Variants in MMP13 observed in about 807,000 individuals in gnomAD.
MMP13 encodes the protein collagenase 3.
A neutral mutation model predicts 52.1 loss-of-function variants in MMP13; 45 were observed. That is an observed-to-expected ratio of 0.86 (90% CI 0.68 to 1.11). The LOEUF is 1.11. Ranked by LOEUF, MMP13 falls within the 50% of genes least tolerant of loss-of-function variation. The pLI, the probability that MMP13 is intolerant of heterozygous loss-of-function variation, is 0.00. For missense variants in MMP13, 576 were observed against 583.8 expected (o/e 0.99, Z 0.14); for synonymous variants, 200 against 204.4 (o/e 0.98, Z 0.18).
chr11:102,949,563 G>A lies in MMP13; in HGVS notation c.918-405C>T, dbSNP rs1397483901. On this transcript the variant is annotated intron_variant, in intron 6 of 9. Coordinates refer to ENST00000260302, the MANE Select transcript of MMP13 (RefSeq NM_002427.4). This position sits in a 1 kb window ranked among gnomAD's most constrained non-coding sequence, Gnocchi z 4.2. ...ACATGAGAAACACCCCCCGCCCCAC[G>A]AGTACAATGTAATTAGAGTTATAAC... 1.3e-5 allele frequency among the ~76,000 whole-genome samples: 2 copies of A among 152,104 alleles called. No individual in the cohort carries two copies. The highest frequency in any genetic ancestry group is 2.4e-5 in the African/African-American group (1 of 41,400).
chr11:102,954,046 A>C (rs1211623740), intron 4 of MMP13, 110 bp downstream of exon 4: 3 of 1,249,414 alleles, frequency 2.4e-6, no homozygotes, highest in Non-Finnish European at 3.4e-6. Context: ...ATTTAAGAAA[A>C]TATAGTCAAA....
At chr11:102,950,986 A>G (rs1565254828) in intron 5 of MMP13, among the ~76,000 whole-genome samples, 1 of 152,170 alleles carries the variant, frequency 6.6e-6, no homozygotes, top group Non-Finnish European at 1.5e-5. Context: ...CTAGAGGGTA[A>G]AAGAATGGGT....
Position 102,952,161 on chromosome 11 carries a change from A to G in MMP13, c.650T>C (p.Phe217Ser). The change falls in exon 5 of 10, where the codon TTT (phenylalanine) becomes TCT (serine). Residue 217 changes from phenylalanine to serine, a missense_variant. Coordinates refer to ENST00000260302, the MANE Select transcript of MMP13 (RefSeq NM_002427.4). This position sits in a 1 kb window ranked among gnomAD's most constrained non-coding sequence, Gnocchi z 4.3. ...WTSSSKGYNL[F>S]LVAAHEFGHS... ...GCCGAACTCATGCGCAGCAACAAGA[A>G]ACAAGTTGTAGCCTGTAAGAAAACA... is the stretch of plus-strand genomic sequence containing the variant. 3 of 1,613,044 alleles carry G rather than the reference A, an allele frequency of 1.9e-6. No homozygotes were observed. Among genetic ancestry groups the G allele is most frequent in the Non-Finnish European group, 8.5e-7 (1 of 1,179,198 alleles).
At chr11:102,954,902 A>G (rs2134522715) in intron 2 of MMP13, among the ~76,000 whole-genome samples, 1 of 152,322 alleles carries the variant, frequency 6.6e-6, no homozygotes, top group South Asian at 2.1e-4. Context: ...TACATTGATA[A>G]AGCTCAAATA....
At chr11:102,953,225 G>A (rs890048147) in intron 4 of MMP13, among the ~76,000 whole-genome samples, 1 of 152,014 alleles carries the variant, frequency 6.6e-6, no homozygotes, top group Admixed American at 6.6e-5. Flanking sequence ...TAAATTTGAG[G>A]CTTACTGTGA....
Position 102,955,444 on chromosome 11 carries a change from T to C in MMP13, c.170A>G (p.Lys57Arg). The change falls in exon 2 of 10, where the codon AAG becomes AGG. Residue 57 changes from lysine to arginine, a missense_variant. By Grantham distance (26) the Lys-to-Arg change is conservative. Transcript: ENST00000260302. The surrounding 1 kb of genome is among the most constrained non-coding windows in gnomAD (Gnocchi z 4.9). ...YHPTNLAGIL[K>R]ENAASSMTER... ...AGTCATGGAGCTTGCTGCATTCTCC[T>C]TCAGGATTCCCGCGAGATTTGTAGG... is the stretch of plus-strand genomic sequence containing the variant. 1.2e-6 allele frequency: 2 copies of C among 1,614,058 alleles called. No homozygotes were observed. The highest frequency in any genetic ancestry group is 1.7e-6 in the Non-Finnish European group (2 of 1,179,944).
chr11:102,948,762 C>A (rs923632452), intron 7 of MMP13, among the ~76,000 whole-genome samples: 8 of 151,938 alleles, frequency 5.3e-5, no homozygotes, highest in Non-Finnish European at 1.0e-4. Context: ...AATTTTTAAG[C>A]AGAACTAAGA....
chr11:102,944,381 A>G lies in MMP13; in HGVS notation c.1316-15T>C, dbSNP rs1860462715. 6.5e-7 allele frequency: 1 copy of G among 1,536,878 alleles called. No individual in the cohort carries two copies. Among genetic ancestry groups the G allele is most frequent in the Non-Finnish European group, 9.0e-7 (1 of 1,110,308 alleles). Reference sequence around the variant, plus strand: ...ATAGATATAACCTATAAGAAAAAGCATAAAGACAATTTCAGAGTTTGAAAA... The same window carrying G: ...ATAGATATAACCTATAAGAAAAAGCGTAAAGACAATTTCAGAGTTTGAAAA... On this transcript the variant is annotated splice_polypyrimidine_tract_variant and intron_variant, in intron 9 of 9. Transcript: ENST00000260302.
intron 7 of MMP13, 34 bp from the exon 8 acceptor site, chr11:102,948,084 A>C: frequency 1.3e-6 from 2 of 1,597,952 alleles, no homozygotes; most frequent in South Asian, 1.1e-5. Flanking sequence ...CTATTATCCA[A>C]GGGAATCTAT....
rs1555016360 is a variant in MMP13, at chr11:102,944,147, T to G, written c.*119A>C. The G allele has an allele frequency of 2.6e-6, 2 of 763,536 alleles. No homozygotes were observed. The highest frequency in any genetic ancestry group is 1.7e-5 in the Admixed American group (1 of 57,512). 47.3% of individuals were successfully genotyped at this position (763,536 alleles called of 1,614,324 possible). A position where few individuals can be genotyped will look rare whatever the true frequency, so the allele number is the denominator to read the frequency against. ...TACTACATATTCAAAGATAACTTAC[T>G]GAAGCTTGTTCACAGAACCAAGCTT... On this transcript the variant is annotated 3_prime_UTR_variant, in exon 10 of 10. Coordinates refer to ENST00000260302, the MANE Select transcript of MMP13 (RefSeq NM_002427.4).
In MMP13 at chr11:102,952,938, A is replaced by G. The variant is rs1050507803; in HGVS notation, c.638-765T>C. On this transcript the variant is annotated intron_variant, in intron 4 of 9. Coordinates refer to ENST00000260302, the MANE Select transcript of MMP13 (RefSeq NM_002427.4). This position sits in a 1 kb window ranked among gnomAD's most constrained non-coding sequence, Gnocchi z 4.3. ...AATAGGATTGTTGTTACCTGTGCTT[A>G]GATTACCTGAAAACTAGAGCCAGTG... Among the ~76,000 whole-genome samples the G allele has an allele frequency of 1.2e-4, 19 of 152,210 alleles. No individual in the cohort carries two copies. The highest frequency in any genetic ancestry group is 4.1e-4 in the African/African-American group (17 of 41,468).
rs185891208 is a variant in MMP13 at position 102,945,050 on chromosome 11, C to G, written c.1315+596G>C. ...CTTGAGGCCAGGAGTTCAAGACCAG[C>G]CTAGCCAACATGGCGAAACTCCATC... On this transcript the variant is annotated intron_variant, in intron 9 of 9. Coordinates refer to ENST00000260302, the MANE Select transcript of MMP13 (RefSeq NM_002427.4). The G allele has an allele frequency of 2.5e-4, 65 of 264,568 alleles. No homozygotes were observed. In the East Asian group the frequency reaches 6.1e-3, roughly 25 times the overall value. 16.4% of individuals were successfully genotyped at this position (264,568 alleles called of 1,614,324 possible). A position where few individuals can be genotyped will look rare whatever the true frequency, so the allele number is the denominator to read the frequency against.
At chr11:102,954,309 C>T in intron 3 of MMP13, 28 bp from the exon 4 acceptor site, 1 of 1,613,516 alleles carries the variant, frequency 6.2e-7, no homozygotes, top group Non-Finnish European at 8.5e-7. Flanking sequence ...GGTTAGGAGT[C>T]TTATCACATC....
At chr11:102,948,816 C>T (rs942507715) in intron 7 of MMP13, among the ~76,000 whole-genome samples, 2 of 152,110 alleles carry the variant, frequency 1.3e-5, no homozygotes, top group Non-Finnish European at 2.9e-5. Context: ...GTGGATATGA[C>T]AAGACTAATA....
rs928951639 is a variant in MMP13, at chr11:102,954,278, T to C, written c.515A>G (p.His172Arg). 3 of 1,613,500 alleles carry C rather than the reference T, an allele frequency of 1.9e-6. No homozygotes were observed. The highest frequency in any genetic ancestry group is 2.5e-6 in the Non-Finnish European group (3 of 1,179,690). The change falls in exon 4 of 10, where the codon CAT becomes CGT. Residue 172 changes from histidine to arginine, a missense_variant. Coordinates refer to ENST00000260302, the MANE Select transcript of MMP13 (RefSeq NM_002427.4). ...CCCATCAAATGGGTAGAAGTCGCCA[T>C]GCTCTACACACAAAAGCAAGGGTTA... ...DIMISFGIKEHGDFYPFDGPS... is the reference protein window; with the variant it reads ...DIMISFGIKERGDFYPFDGPS...
chr11:102,944,265 C>CT lies in MMP13; in HGVS notation c.1416dup. 1 of 1,610,772 alleles carries CT rather than the reference C, an allele frequency of 6.2e-7. No homozygotes were observed. The highest frequency in any genetic ancestry group is 8.5e-7 in the Non-Finnish European group (1 of 1,177,316). ...TTAAATAACAATTTTTAAAAAGACA[C>CT]TTAACACCACAAAATGGAATTTGCT... is the stretch of plus-strand genomic sequence containing the variant. On this transcript the variant is annotated 3_prime_UTR_variant, in exon 10 of 10. Transcript: ENST00000260302.
At chr11:102,954,048 A>G in intron 4 of MMP13, 108 bp downstream of exon 4, 1 of 1,262,866 alleles carries the variant, frequency 7.9e-7, no homozygotes, top group Non-Finnish European at 1.1e-6. Context: ...TTAAGAAAAT[A>G]TAGTCAAATA....
At position 102,943,218 on chromosome 11, in the gene MMP13, A is replaced by T. The variant is rs137968508; in HGVS notation, c.*1048T>A. 7.9e-5 allele frequency: 12 copies of T among 152,252 alleles called. No homozygotes were observed. The highest frequency in any genetic ancestry group is 2.9e-4 in the African/African-American group (12 of 41,538). 9.4% of individuals were successfully genotyped at this position (152,252 alleles called of 1,614,324 possible). A position where few individuals can be genotyped will look rare whatever the true frequency, so the allele number is the denominator to read the frequency against. ...GGGGGATTTTTTTAAATGCAGAGAA[A>T]AAAAGGCATCCTTCCATATCTCAAG... is the stretch of plus-strand genomic sequence containing the variant. On this transcript the variant is annotated 3_prime_UTR_variant, in exon 10 of 10. Coordinates refer to ENST00000260302, the MANE Select transcript of MMP13 (RefSeq NM_002427.4).
Position 102,955,346 on chromosome 11 carries a change from C to G in MMP13, c.268G>C (p.Val90Leu). The G allele has an allele frequency of 3.1e-6, 5 of 1,614,016 alleles. No individual in the cohort carries two copies. Among genetic ancestry groups the G allele is most frequent in the Non-Finnish European group, 4.2e-6 (5 of 1,179,940 alleles). Reference protein sequence around the residue: ...TGKLDDNTLDVMKKPRCGVPD... With the variant: ...TGKLDDNTLDLMKKPRCGVPD... ...ACCCCGCATCTTGGCTTTTTCATGA[C>G]ATCTAAGGTGTTATCGTCAAGTTTG... The change falls in exon 2 of 10, where the codon GTC becomes CTC. Residue 90 changes from valine (V) to leucine (L), a missense_variant. Physicochemically the swap from Val to Leu is conservative, Grantham distance 32. Coordinates refer to ENST00000260302, the MANE Select transcript of MMP13 (RefSeq NM_002427.4). The surrounding 1 kb of genome is among the most constrained non-coding windows in gnomAD (Gnocchi z 4.9).
Sources: gnomAD v4.1 joint callset for allele counts (sites outside exome capture counted in the v4.1 genomes callset) on GRCh38, gnomAD v4.1.1 for gene constraint, Gnocchi (gnomAD v3.1) non-coding constraint, MANE v1.5 for transcripts, NCBI Gene and HGNC (gene_info 2026-07-23, HGNC 2026-07-21) for gene names.